The following SVEP1 variants were observed in gnomAD, a reference collection of about 807,000 sequenced individuals.
The protein encoded by SVEP1 is sushi, von Willebrand factor type A, EGF and pentraxin domain containing 1.
SVEP1 carries 164 observed loss-of-function variants against 367.3 expected under a neutral mutation model. That is an observed-to-expected ratio of 0.45 (90% CI 0.39 to 0.51). The LOEUF (loss-of-function observed/expected upper bound fraction) is 0.51, where lower values mean the gene tolerates loss of function less well. Among genes scored for constraint, SVEP1 ranks in the 20% least tolerant of loss-of-function variants. SVEP1 has a pLI of 0.00. For synonymous variants in SVEP1, 1,666 were observed against 1,611.6 expected (o/e 1.03, Z -0.81); for missense variants, 4,117 against 4,425.3 (o/e 0.93, Z 1.98).
At position 110,457,251 on chromosome 9, in the gene SVEP1, T is replaced by A. The variant is rs193225567; in HGVS notation, c.3673+5A>T. 20 of 1,586,874 alleles carry A rather than the reference T, an allele frequency of 1.3e-5. No individual in the cohort carries two copies. In the East Asian group the frequency reaches 4.0e-4, roughly 32 times the overall value. On this transcript the variant is annotated splice_donor_5th_base_variant and intron_variant, in intron 21 of 47. Transcript: ENST00000374469. ...TTAAAATCTACATTCCTCTTGGTTA[T>A]TTACCTGTATATCCAAGTGGACAGA...
chr9:110,406,499 T>C lies in SVEP1; in HGVS notation c.9101A>G (p.Lys3034Arg), dbSNP rs780463975. ...AGAAAGTCCTAGGAGCTTGAAGCCT[T>C]TGAAGCACTGAATCCGGGCTGCCTT... ...CGKAARIQCFKGFKLLGLSEI... is the reference protein window; with the variant it reads ...CGKAARIQCFRGFKLLGLSEI... Residue 3034 changes from lysine to arginine, a missense_variant, in exon 38 of 48, where the codon AAA becomes AGA. By Grantham distance (26) the Lys-to-Arg change is conservative. Transcript: ENST00000374469. 6.2e-7 allele frequency: 1 copy of C among 1,613,822 alleles called. No individual in the cohort carries two copies. Among genetic ancestry groups the C allele is most frequent in the Non-Finnish European group, 8.5e-7 (1 of 1,179,866 alleles).
intron 37 of SVEP1, among the ~76,000 whole-genome samples, chr9:110,410,748 C>T (rs577528955): frequency 2.6e-4 from 40 of 152,170 alleles, no homozygotes; most frequent in Middle Eastern, 3.4e-3. Flanking sequence ...TTCATTGCCC[C>T]GCTTCTGAAT....
intron 20 of SVEP1, 129 bp downstream of exon 20, chr9:110,458,342 T>C: frequency 1.3e-6 from 1 of 748,228 alleles, no homozygotes; most frequent in Non-Finnish European, 2.2e-6. Context: ...CAATTATTCA[T>C]TTATAAAATT....
chr9:110,386,479 T>G (rs887553403), intron 42 of SVEP1, among the ~76,000 whole-genome samples: 1 of 149,134 alleles, frequency 6.7e-6, no homozygotes, highest in Non-Finnish European at 1.5e-5. Context: ...ATTGTCACCT[T>G]ACTTTCTTTT....
intron 14 of SVEP1, among the ~76,000 whole-genome samples, chr9:110,473,500 C>G (rs985031009): frequency 5.9e-5 from 9 of 152,014 alleles, no homozygotes; most frequent in South Asian, 2.1e-4. Context: ...ACACTTTTAA[C>G]AAAACAAGAT....
intron 4 of SVEP1, 65 bp downstream of exon 4, chr9:110,513,883 A>C: frequency 2.0e-6 from 3 of 1,512,468 alleles, no homozygotes; most frequent in Non-Finnish European, 1.8e-6. Flanking sequence ...GTGCAAACAC[A>C]AGCACTATTT....
intron 18 of SVEP1, among the ~76,000 whole-genome samples, chr9:110,463,909 G>T (rs1346290265): frequency 6.6e-6 from 1 of 152,030 alleles, no homozygotes; most frequent in Non-Finnish European, 1.5e-5. Flanking sequence ...GCAGAGTGTG[G>T]TTAAACTTAT....
At chr9:110,484,923 G>A (rs1353774504) in intron 9 of SVEP1, among the ~76,000 whole-genome samples, 1 of 152,174 alleles carries the variant, frequency 6.6e-6, no homozygotes, top group Non-Finnish European at 1.5e-5. Context: ...TTATTAAAAA[G>A]TCAAGAAACA....
At position 110,408,469 on chromosome 9, in the gene SVEP1, C is replaced by T. The variant is rs199626371; in HGVS notation, c.7131G>A (p.Lys2377=). The T allele has an allele frequency of 1.2e-6, 2 of 1,613,950 alleles. No homozygotes were observed. Among genetic ancestry groups the T allele is most frequent in the Admixed American group, 1.7e-5 (1 of 60,020 alleles). The change falls in exon 38 of 48, where the codon AAG becomes AAA. Residue 2377 remains lysine, a synonymous_variant. Coordinates refer to ENST00000374469, the MANE Select transcript of SVEP1 (RefSeq NM_153366.4). ...GGGGAGGTGGGGTACAAAGAACAAT[C>T]TTACAAACAGGGAAAGAGTCATTCC... ...QQWNDSFPVC[K]IVLCTPPPLI...
chr9:110,461,905 T>C (rs1828863817), intron 18 of SVEP1, among the ~76,000 whole-genome samples: 1 of 152,216 alleles, frequency 6.6e-6, no homozygotes, highest in Non-Finnish European at 1.5e-5. Context: ...TAGAGCTCTG[T>C]TATTCGCACA....
At chr9:110,448,988 CT>C (rs1206523852) in intron 24 of SVEP1, among the ~76,000 whole-genome samples, 1 of 152,004 alleles carries the variant, frequency 6.6e-6, no homozygotes, top group Non-Finnish European at 1.5e-5. Flanking sequence ...TGGGCTAGAT[CT>C]TTTTTTTCTT....
chr9:110,383,007 C>T (rs116938998), intron 43 of SVEP1, among the ~76,000 whole-genome samples: 1 of 152,280 alleles, frequency 6.6e-6, no homozygotes, highest in Non-Finnish European at 1.5e-5. Context: ...AGAACATGTT[C>T]CTTTAGCTCA....
chr9:110,400,767 G>T lies in SVEP1; in HGVS notation c.9822+87C>A, dbSNP rs890135744. 13 of 1,391,712 alleles carry T rather than the reference G, an allele frequency of 9.3e-6. No homozygotes were observed. The Admixed American group carries it at 3.4e-4, about 37-fold the overall frequency. The allele number at this position is 1,391,712 out of a possible 1,614,324, so 86.2% of individuals were successfully genotyped here. A position where few individuals can be genotyped will look rare whatever the true frequency, so the allele number is the denominator to read the frequency against. On this transcript the variant is annotated intron_variant, in intron 40 of 47. Transcript: ENST00000374469. ...ATAGAATCTTTTGAGACCAAAGTCA[G>T]TAAAACAAATTTGTGCTAATACTGA... is the stretch of plus-strand genomic sequence containing the variant.
intron 40 of SVEP1, among the ~76,000 whole-genome samples, chr9:110,389,861 G>A (rs1827600008): frequency 7.5e-6 from 1 of 133,182 alleles, no homozygotes; most frequent in South Asian, 2.7e-4. Context: ...ATAATCTGTA[G>A]CTAAGACTGA....
At position 110,470,517 on chromosome 9, in the gene SVEP1, T is replaced by C. The variant is rs149953713; in HGVS notation, c.2998+847A>G. Among the ~76,000 whole-genome samples the C allele has an allele frequency of 4.0e-3, 612 of 152,076 alleles. 7 individuals are homozygous for C. Among genetic ancestry groups the C allele is most frequent in the African/African-American group, 0.014 (588 of 41,510 alleles). ...GCGCAATCATAGCTCACTGCAGCCT[T>C]GACTTCTGGGGCTCAAGTAATCCTC... is the stretch of plus-strand genomic sequence containing the variant. On this transcript the variant is annotated intron_variant, in intron 16 of 47. Coordinates refer to ENST00000374469, the MANE Select transcript of SVEP1 (RefSeq NM_153366.4).
At chr9:110,565,681 T>C (rs935318791) in intron 1 of SVEP1, among the ~76,000 whole-genome samples, 1 of 152,090 alleles carries the variant, frequency 6.6e-6, no homozygotes, top group Non-Finnish European at 1.5e-5. Context: ...GAGTGCCCAT[T>C]CAAATGACAA....
At chr9:110,477,168 T>C (rs1829108615) in intron 13 of SVEP1, among the ~76,000 whole-genome samples, 1 of 152,216 alleles carries the variant, frequency 6.6e-6, no homozygotes, top group African/African-American at 2.4e-5. Context: ...GACCTTGTCA[T>C]TGTCAGAAAC....
At chr9:110,578,956 C>A (rs1428338837) in intron 1 of SVEP1, 57 bp downstream of exon 1, 9 of 1,521,400 alleles carry the variant, frequency 5.9e-6, no homozygotes, top group East Asian at 4.9e-5. Flanking sequence ...GGGCAGGCAG[C>A]GGTGGGTCGA....
In SVEP1 at chr9:110,406,784, G is replaced by T. The variant is rs760427927; in HGVS notation, c.8816C>A (p.Ala2939Glu). Residue 2939 changes from alanine to glutamate, a missense_variant, in exon 38 of 48, where the codon GCA becomes GAA. Physicochemically the swap from Ala to Glu is moderately radical, Grantham distance 107. Around this residue, in one of 4 missense-constraint regions of SVEP1, gnomAD observed 1,765 missense variants for 1,781.1 expected, o/e 0.99. Transcript: ENST00000374469. The part of the protein sequence containing the change: ...LTCQSDGNWD[A>E]EIPLCKPVNC... ...GACTGGTTTACAGAGAGGAATCTCT[G>T]CATCCCAGTTGCCATCTGACTGACA... 21 of 1,613,920 alleles carry T rather than the reference G, an allele frequency of 1.3e-5. No individual in the cohort carries two copies. Among genetic ancestry groups the T allele is most frequent in the Non-Finnish European group, 1.6e-5 (19 of 1,179,910 alleles).
Sources: allele counts gnomAD v4.1 joint callset (sites outside exome capture counted in the v4.1 genomes callset), GRCh38; gene constraint gnomAD v4.1.1; regional missense constraint gnomAD v4.1.1; transcripts MANE v1.5; gene names NCBI Gene and HGNC (gene_info 2026-07-23, HGNC 2026-07-21).